The following TOM1L2 variants were observed in gnomAD, a reference collection of about 807,000 sequenced individuals.
TOM1L2 encodes target of myb1 like 2 membrane trafficking protein, also known as TOM1-like protein 2.
Under a neutral mutation model 67.9 loss-of-function variants are expected in TOM1L2, and 31 were observed. That is an observed-to-expected ratio of 0.46 (90% CI 0.34 to 0.62). TOM1L2 has a LOEUF of 0.62. Among genes scored for constraint, TOM1L2 ranks in the 20% least tolerant of loss-of-function variants. TOM1L2 has a pLI of 0.01. For synonymous variants in TOM1L2, 256 were observed against 254.0 expected, an observed-to-expected ratio of 1.01 and a Z score of -0.07; for missense variants, 606 against 663.5, an observed-to-expected ratio of 0.91 and a Z score of 0.95.
At chr17:17,922,015 G>A (rs2039896654) in intron 1 of TOM1L2, among the ~76,000 whole-genome samples, 1 of 152,090 alleles carries the variant, frequency 6.6e-6, no homozygotes, top group African/African-American at 2.4e-5. Context: ...CCACTCCTTG[G>A]GAAGGATTAT....
At chr17:17,930,378 G>A (rs753985339) in intron 1 of TOM1L2, among the ~76,000 whole-genome samples, 1 of 152,138 alleles carries the variant, frequency 6.6e-6, no homozygotes, top group Non-Finnish European at 1.5e-5. Flanking sequence ...GGGGGGTCTG[G>A]GAATGTGTAG....
intron 1 of TOM1L2, among the ~76,000 whole-genome samples, chr17:17,968,817 C>T (rs1419117807): frequency 6.6e-6 from 1 of 152,136 alleles, no homozygotes. Flanking sequence ...CCACTCCCTG[C>T]CTCATTCAGC....
At chr17:17,905,793 G>A (rs1224522304) in intron 2 of TOM1L2, among the ~76,000 whole-genome samples, 1 of 152,134 alleles carries the variant, frequency 6.6e-6, no homozygotes, top group Non-Finnish European at 1.5e-5. Flanking sequence ...CAATAAGAGT[G>A]GGACCACACC....
intron 12 of TOM1L2, among the ~76,000 whole-genome samples, chr17:17,852,887 A>G (rs950854266): frequency 2.6e-5 from 4 of 151,778 alleles, no homozygotes; most frequent in African/African-American, 9.7e-5. Flanking sequence ...AAAAAAAAAA[A>G]AAAGAACATT....
intron 1 of TOM1L2, among the ~76,000 whole-genome samples, chr17:17,912,335 C>CCT (rs2039409514): frequency 6.6e-6 from 1 of 151,652 alleles, no homozygotes; most frequent in East Asian, 1.9e-4. Context: ...CGGAGACGCT[C>CCT]CTCACTTCCC....
At chr17:17,938,386 AT>A (rs1240779207) in intron 1 of TOM1L2, among the ~76,000 whole-genome samples, 1 of 152,082 alleles carries the variant, frequency 6.6e-6, no homozygotes, top group Non-Finnish European at 1.5e-5. Flanking sequence ...GGTGCCTTTG[AT>A]TTCACTGCAG....
Position 17,848,803 on chromosome 17 carries a change from G to C in TOM1L2, c.1375+20C>G, listed in dbSNP as rs755558704. On this transcript the variant is annotated intron_variant, in intron 14 of 14. Transcript: ENST00000379504. ...CAGAGGCAACAAAAGGGGGCTGTAA[G>C]GCCACTGGCCAGGCCATACCTTCAC... The C allele has an allele frequency of 1.2e-6, 2 of 1,613,862 alleles. No individual in the cohort carries two copies. Among genetic ancestry groups the C allele is most frequent in the Non-Finnish European group, 1.7e-6 (2 of 1,179,884 alleles).
chr17:17,907,596 G>A (rs1270981015), intron 1 of TOM1L2, 65 bp from the exon 2 acceptor site: 1 of 1,444,116 alleles, frequency 6.9e-7, no homozygotes, highest in Non-Finnish European at 9.7e-7. Flanking sequence ...GGCAGGAAAT[G>A]GGAAGAGACC....
intron 1 of TOM1L2, among the ~76,000 whole-genome samples, chr17:17,953,829 A>G (rs1167215853): frequency 2.6e-5 from 4 of 152,254 alleles, no homozygotes; most frequent in Non-Finnish European, 5.9e-5. Context: ...TAAAATCTTG[A>G]AAGAACACAG....
At chr17:17,924,729 C>T (rs2040016188) in intron 1 of TOM1L2, among the ~76,000 whole-genome samples, 1 of 152,178 alleles carries the variant, frequency 6.6e-6, no homozygotes, top group African/African-American at 2.4e-5. Context: ...CACATCACTG[C>T]ACTCCAGCCT....
rs148321382 is a variant in TOM1L2 at position 17,965,579 on chromosome 17, A to G, written c.52+6683T>C. Among the ~76,000 whole-genome samples the G allele has an allele frequency of 2.2e-3, 330 of 152,278 alleles. 1 individual carries two copies. The highest frequency in any genetic ancestry group is 7.7e-3 in the African/African-American group (318 of 41,538). ...TCACTTTACTCTTGCTGAGGGCAGC[A>G]CAGCGTGACAGGATACCAGCTCTGG... On this transcript the variant is annotated intron_variant, in intron 1 of 14. Transcript: ENST00000379504.
In TOM1L2 at chr17:17,916,263, C is replaced by T. The variant is rs142502409; in HGVS notation, c.53-8732G>A. ...TAATTTTTTGTATTTTTAGTAGAGA[C>T]GGGGTTTCACTGTGTTAGCCAGGAT... is the stretch of plus-strand genomic sequence containing the variant. On this transcript the variant is annotated intron_variant, in intron 1 of 14. Transcript: ENST00000379504. Among the ~76,000 whole-genome samples, 51 of 152,006 alleles carry T rather than the reference C, an allele frequency of 3.4e-4. No individual in the cohort carries two copies. In the East Asian group the frequency reaches 7.8e-3, roughly 23 times the overall value.
At chr17:17,891,821 C>T (rs1335794315) in intron 4 of TOM1L2, among the ~76,000 whole-genome samples, 17 of 111,630 alleles carry the variant, frequency 1.5e-4, no homozygotes, top group Admixed American at 1.5e-3. Flanking sequence ...GTGTGTGTGT[C>T]AGAGGGAGAC....
In TOM1L2 at chr17:17,847,375, C is replaced by T. The variant is rs762322988; in HGVS notation, c.*260G>A. 21 of 526,116 alleles carry T rather than the reference C, an allele frequency of 4.0e-5. No homozygotes were observed. Among genetic ancestry groups the T allele is most frequent in the African/African-American group, 5.8e-5 (3 of 51,940 alleles). The allele number at this position is 526,116 out of a possible 1,614,324, so 32.6% of individuals were successfully genotyped here. On this transcript the variant is annotated 3_prime_UTR_variant, in exon 15 of 15. Coordinates refer to ENST00000379504, the MANE Select transcript of TOM1L2 (RefSeq NM_001082968.2). ...GGGCTGGGCCACTCTGCCCGCTCTT[C>T]CTGGGAGGAAACATGGGCAGAGGGG...
intron 2 of TOM1L2, among the ~76,000 whole-genome samples, chr17:17,904,054 AAC>A (rs1782644489): frequency 6.6e-6 from 1 of 152,140 alleles, no homozygotes; most frequent in African/African-American, 2.4e-5. Flanking sequence ...GCTGGTCTCA[AAC>A]ACCTAGGCTC....
rs569872029 is a variant in TOM1L2, at chr17:17,856,908, T to C, written c.1278+4568A>G. On this transcript the variant is annotated intron_variant, in intron 12 of 14. Coordinates refer to ENST00000379504, the MANE Select transcript of TOM1L2 (RefSeq NM_001082968.2). ...ATGAGAACCAACTGTGTTTACAACATTGAACTCCCCTGGGCTTTGTTTTCT... is the reference window on the plus strand; with the variant it reads ...ATGAGAACCAACTGTGTTTACAACACTGAACTCCCCTGGGCTTTGTTTTCT... Among the ~76,000 whole-genome samples, 20 of 152,348 alleles carry C rather than the reference T, an allele frequency of 1.3e-4. 1 individual carries two copies. In the East Asian group the frequency reaches 2.9e-3, roughly 22 times the overall value.
intron 8 of TOM1L2, among the ~76,000 whole-genome samples, chr17:17,868,292 G>GGT (rs904624018): frequency 2.4e-4 from 36 of 152,200 alleles, no homozygotes; most frequent in African/African-American, 8.4e-4. Flanking sequence ...CAGAGCCACT[G>GGT]GTGTGTACTT....
intron 1 of TOM1L2, among the ~76,000 whole-genome samples, chr17:17,922,069 C>A (rs902758302): frequency 5.3e-5 from 8 of 152,254 alleles, no homozygotes; most frequent in African/African-American, 1.9e-4. Context: ...ACTGTGAGGC[C>A]TCTCCCTGCC....
chr17:17,955,325 CTTTTTTTTTTTTTT>C (rs67575563), intron 1 of TOM1L2, among the ~76,000 whole-genome samples: 4 of 108,146 alleles, frequency 3.7e-5, no homozygotes, highest in Non-Finnish European at 5.2e-5. Context: ...CACACAATTC[CTTTTTTTTTTTTTT>C]TTTTTTTTTT....
Sources: allele counts gnomAD v4.1 joint callset (sites outside exome capture counted in the v4.1 genomes callset), GRCh38; gene constraint gnomAD v4.1.1; transcripts MANE v1.5; gene names NCBI Gene and HGNC (gene_info 2026-07-23, HGNC 2026-07-21).